Variants in GAS2 observed in about 807,000 individuals in gnomAD.
GAS2 encodes growth arrest specific 2, also known as growth arrest-specific protein 2.
Under a neutral mutation model 37.5 loss-of-function variants are expected in GAS2, and 20 were observed. The observed-to-expected ratio is 0.53, with a 90% CI of 0.37 to 0.77. The LOEUF (loss-of-function observed/expected upper bound fraction) is 0.77, where lower values mean the gene tolerates loss of function less well. Among genes scored for constraint, GAS2 ranks in the 30% least tolerant of loss-of-function variants. The pLI is 0.00. For missense variants in GAS2, 336 were observed against 373.4 expected (o/e 0.90, Z 0.82); for synonymous variants, 144 against 132.2 (o/e 1.09, Z -0.61).
Position 22,691,685 on chromosome 11 carries a change from A to C in GAS2, c.267+5896A>C, listed in dbSNP as rs972962431. Among the ~76,000 whole-genome samples the C allele has an allele frequency of 3.9e-5, 6 of 152,198 alleles. No homozygotes were observed. The East Asian group carries it at 1.2e-3, about 29-fold the overall frequency. ...AAGAATATAAGTGGCATGATGTAGA[A>C]AGAAATAATTTTTTTATAGGTATGT... On this transcript the variant is annotated intron_variant, in intron 3 of 7. Coordinates refer to ENST00000454584, the MANE Select transcript of GAS2 (RefSeq NM_001143830.3).
chr11:22,685,882 C>T (rs138115946), intron 3 of GAS2, 93 bp downstream of exon 3: 35 of 1,255,442 alleles, frequency 2.8e-5, no homozygotes, highest in South Asian at 6.3e-5. Context: ...TTATTGTGAA[C>T]GGATGCATCA....
At chr11:22,760,733 T>A (rs560668307) in intron 7 of GAS2, among the ~76,000 whole-genome samples, 2 of 152,260 alleles carry the variant, frequency 1.3e-5, no homozygotes, top group Non-Finnish European at 2.9e-5. Context: ...TAGAAAATAG[T>A]TTTTATTTGT....
intron 7 of GAS2, among the ~76,000 whole-genome samples, chr11:22,783,784 A>G (rs1243569711): frequency 1.3e-5 from 2 of 152,188 alleles, no homozygotes; most frequent in Non-Finnish European, 2.9e-5. Flanking sequence ...AGTTTGAGAC[A>G]TATTTAAGTC....
chr11:22,736,789 G>C (rs182551196), intron 4 of GAS2, among the ~76,000 whole-genome samples: 1 of 152,098 alleles, frequency 6.6e-6, no homozygotes. Flanking sequence ...AGAATACTAT[G>C]TGTCAGTGTA....
At chr11:22,727,183 C>G (rs1036683003) in intron 4 of GAS2, among the ~76,000 whole-genome samples, 17 of 152,026 alleles carry the variant, frequency 1.1e-4, no homozygotes, top group Non-Finnish European at 2.1e-4. Context: ...GGCTCCACCA[C>G]AGTACAACTC....
chr11:22,640,167 G>A (rs2133816407), intron 1 of GAS2, among the ~76,000 whole-genome samples: 1 of 152,298 alleles, frequency 6.6e-6, no homozygotes, highest in Admixed American at 6.5e-5. Flanking sequence ...AGATCTAAAT[G>A]TTGCCCACAA....
At chr11:22,658,435 T>C (rs1848879743) in intron 1 of GAS2, among the ~76,000 whole-genome samples, 1 of 152,132 alleles carries the variant, frequency 6.6e-6, no homozygotes, top group African/African-American at 2.4e-5. Context: ...AATTAACTTG[T>C]CTAGGACTAA....
In GAS2 at chr11:22,649,145, A is replaced by C. The variant is rs1259385840; in HGVS notation, c.-21+23332A>C. Among the ~76,000 whole-genome samples, 6 of 151,420 alleles carry C rather than the reference A, an allele frequency of 4.0e-5. No homozygotes were observed. In the East Asian group the frequency reaches 1.2e-3, roughly 29 times the overall value. On this transcript the variant is annotated intron_variant, in intron 1 of 5. Transcript: ENST00000528582. Reference sequence around the variant, plus strand: ...GCATGAAGGGTTGTTGAATTTTGTCAAAGGCCTTTTCTGCATCTATTGAGA... The same window carrying C: ...GCATGAAGGGTTGTTGAATTTTGTCCAAGGCCTTTTCTGCATCTATTGAGA...
chr11:22,761,513 T>C (rs1854391293), intron 7 of GAS2, among the ~76,000 whole-genome samples: 1 of 152,200 alleles, frequency 6.6e-6, no homozygotes, highest in Non-Finnish European at 1.5e-5. Context: ...TTTACTTAAT[T>C]GCAATTTATC....
chr11:22,666,404 G>A (rs1482926014), upstream of GAS2, among the ~76,000 whole-genome samples: 1 of 152,140 alleles, frequency 6.6e-6, no homozygotes, highest in Non-Finnish European at 1.5e-5. Flanking sequence ...TTGTGCTAAA[G>A]CTATTGACTC....
chr11:22,647,952 C>T (rs978998628), intron 1 of GAS2, among the ~76,000 whole-genome samples: 1 of 152,048 alleles, frequency 6.6e-6, no homozygotes, highest in Non-Finnish European at 1.5e-5. Context: ...TCAATTTTGG[C>T]TTTTGTTGCC....
chr11:22,715,353 C>G (rs1851615117), intron 3 of GAS2, among the ~76,000 whole-genome samples: 1 of 146,830 alleles, frequency 6.8e-6, no homozygotes, highest in South Asian at 2.2e-4. Context: ...CCCAGCTACT[C>G]AGAAGGCCGA....
intron 7 of GAS2, among the ~76,000 whole-genome samples, chr11:22,793,229 G>A (rs918286676): frequency 5.9e-5 from 9 of 152,134 alleles, no homozygotes; most frequent in Admixed American, 1.3e-4. Flanking sequence ...AACTGAGATC[G>A]TGCCACTGCA....
chr11:22,729,147 GA>G (rs1212638376), intron 4 of GAS2, among the ~76,000 whole-genome samples: 1 of 151,746 alleles, frequency 6.6e-6, no homozygotes, highest in South Asian at 2.1e-4. Context: ...TGATGAACGG[GA>G]AAAATGTGTT....
intron 7 of GAS2, among the ~76,000 whole-genome samples, chr11:22,790,173 T>C (rs1419313568): frequency 6.6e-6 from 1 of 152,124 alleles, no homozygotes; most frequent in East Asian, 1.9e-4. Context: ...GGTGGGAAAT[T>C]GGATGAGAGT....
chr11:22,767,562 C>A lies in GAS2; in HGVS notation c.723+11609C>A, dbSNP rs999227094. On this transcript the variant is annotated intron_variant, in intron 7 of 7. Coordinates refer to ENST00000454584, the MANE Select transcript of GAS2 (RefSeq NM_001143830.3). Reference sequence around the variant, plus strand: ...ACTGATATGTGAATGATTTTTTTTGCAAAGGGGAAAGAAATGAAATAATTA... The same window carrying A: ...ACTGATATGTGAATGATTTTTTTTGAAAAGGGGAAAGAAATGAAATAATTA... Among the ~76,000 whole-genome samples the A allele has an allele frequency of 1.2e-4, 18 of 150,996 alleles. No individual in the cohort carries two copies. The East Asian group carries it at 2.7e-3, about 23-fold the overall frequency.
At chr11:22,777,229 C>T (rs1855304894) in intron 7 of GAS2, among the ~76,000 whole-genome samples, 1 of 152,158 alleles carries the variant, frequency 6.6e-6, no homozygotes, top group South Asian at 2.1e-4. Context: ...CAACAATACT[C>T]TGTGCCATTT....
intron 3 of GAS2, among the ~76,000 whole-genome samples, chr11:22,704,887 G>T (rs896856818): frequency 1.3e-5 from 2 of 151,822 alleles, no homozygotes; most frequent in Non-Finnish European, 2.9e-5. Flanking sequence ...ATTTAAAATT[G>T]TTCAAAGATT....
intron 7 of GAS2, among the ~76,000 whole-genome samples, chr11:22,779,963 T>C (rs1351625828): frequency 6.6e-6 from 1 of 152,216 alleles, no homozygotes; most frequent in Non-Finnish European, 1.5e-5. Context: ...GTCATAATCT[T>C]TGCTGTGTTT....
Sources: gnomAD v4.1 joint callset for allele counts (sites outside exome capture counted in the v4.1 genomes callset) on GRCh38, gnomAD v4.1.1 for gene constraint, MANE v1.5 for transcripts, NCBI Gene and HGNC (gene_info 2026-07-23, HGNC 2026-07-21) for gene names.